The following OGA variants were observed in gnomAD, a reference collection of about 807,000 sequenced individuals.
OGA encodes the protein O-GlcNAcase.
A neutral mutation model predicts 102.0 loss-of-function variants in OGA; 21 were observed. The ratio of observed to expected loss-of-function variants is 0.21; its 90% CI spans 0.15 to 0.30. OGA has a LOEUF of 0.30. Ranked by LOEUF, OGA falls within the 10% of genes least tolerant of loss-of-function variation. The probability of loss-of-function intolerance (pLI) is 1.00; values close to 1 mark genes in which losing one functional copy is unlikely to be tolerated. For missense variants in OGA, 765 were observed against 1,107.8 expected (o/e 0.69, Z 4.39); for synonymous variants, 408 against 378.2 (o/e 1.08, Z -0.91).
In OGA at chr10:101,818,320, G is replaced by A. The variant is rs1031811402; in HGVS notation, c.-298C>T. ...TCGTTCCCTGGAAGAAGACGGCCAA[G>A]GGTCCTGTCCTCGTTCTCTGCCTCT... On this transcript the variant is annotated 5_prime_UTR_variant, in exon 1 of 16. Transcript: ENST00000361464. The A allele has an allele frequency of 2.5e-6, 3 of 1,195,718 alleles. No individual in the cohort carries two copies. Among genetic ancestry groups the A allele is most frequent in the Non-Finnish European group, 3.1e-6 (3 of 960,000 alleles). The allele number at this position is 1,195,718 out of a possible 1,614,324, so 74.1% of individuals were successfully genotyped here.
rs773470882 is a variant in OGA, at chr10:101,799,054, T to A, written c.1597A>T (p.Thr533Ser). 1.9e-6 allele frequency: 3 copies of A among 1,614,234 alleles called. No homozygotes were observed. The highest frequency in any genetic ancestry group is 3.3e-5 in the Admixed American group (2 of 60,024). The change falls in exon 9 of 16, where the codon ACA becomes TCA. Residue 533 changes from threonine (T) to serine (S), a missense_variant. This residue lies in a region of OGA where 281 missense variants were observed against 345.8 expected (regional missense o/e 0.81). Transcript: ENST00000361464. ...DIAPMQTDEQ[T>S]NKEQFVPGPN... The stretch of plus-strand genomic sequence containing the variant: ...CCTGGCACAAACTGCTCCTTGTTTG[T>A]CTGTTCATCAGTTTGCATGGGGGCA...
At chr10:101,804,059 T>C in intron 6 of OGA, 40 bp from the exon 7 acceptor site, 1 of 1,566,364 alleles carries the variant, frequency 6.4e-7, no homozygotes, top group Non-Finnish European at 8.7e-7. Flanking sequence ...GAATCATGGT[T>C]CTTGGCTAGA....
At chr10:101,793,655 G>A (rs1182778105) in intron 11 of OGA, 2 of 323,678 alleles carry the variant, frequency 6.2e-6, no homozygotes, top group East Asian at 6.3e-5. Context: ...AATGCTGTGC[G>A]ACCTGCAAAG....
chr10:101,800,071 C>T (rs1257439827), intron 8 of OGA, among the ~76,000 whole-genome samples, 171 bp downstream of exon 8: 1 of 152,136 alleles, frequency 6.6e-6, no homozygotes, highest in Admixed American at 6.6e-5. Context: ...CAAGGTTTCA[C>T]TATGTTGGCC....
chr10:101,798,794 A>G, intron 9 of OGA, 48 bp downstream of exon 9: 1 of 1,567,698 alleles, frequency 6.4e-7, no homozygotes, highest in South Asian at 1.2e-5. Flanking sequence ...CATTACCAGT[A>G]TGGGGAACCA....
At chr10:101,811,406 G>GAAA (rs67433227) in intron 3 of OGA, among the ~76,000 whole-genome samples, 1,117 of 45,688 alleles carry the variant, frequency 0.024, 54 homozygotes, top group Middle Eastern at 0.065. Context: ...GAAAAAAAAT[G>GAAA]AAAAAAAAAA....
chr10:101,793,513 A>G (rs1023414195), intron 11 of OGA, among the ~76,000 whole-genome samples: 3 of 152,280 alleles, frequency 2.0e-5, no homozygotes, highest in Non-Finnish European at 4.4e-5. Flanking sequence ...CAAGCACATT[A>G]TATTTATAAA....
intron 9 of OGA, 81 bp downstream of exon 9, chr10:101,798,761 T>C (rs568012518): frequency 1.4e-6 from 2 of 1,465,706 alleles, no homozygotes; most frequent in East Asian, 2.3e-5. Context: ...AGTTACAGTG[T>C]ACTCATTTAA....
rs368498887 is a variant in OGA at position 101,812,431 on chromosome 10, A to G, written c.349+599T>C. Among the ~76,000 whole-genome samples the G allele has an allele frequency of 4.1e-4, 63 of 152,108 alleles. 1 individual carries two copies. In the South Asian group the frequency reaches 0.013, roughly 32 times the overall value. On this transcript the variant is annotated intron_variant, in intron 3 of 15. Transcript: ENST00000361464. ...TCAAAAAACAAAACAAAACAAAACA[A>G]AACCCAAAGACAGCCTATTAATGGC...
Position 101,799,118 on chromosome 10 carries a change from G to T in OGA, c.1533C>A (p.Ser511=). The T allele has an allele frequency of 6.2e-7, 1 of 1,614,158 alleles. No homozygotes were observed. The highest frequency in any genetic ancestry group is 8.5e-7 in the Non-Finnish European group (1 of 1,180,026). ...TDKESIAESK[S]PEMSMQEDCI... Reference sequence around the variant, plus strand: ...AATCTTCTTGCATGGACATCTCTGGGGATTTTGATTCAGCTATGCTCTCTT... The same window carrying T: ...AATCTTCTTGCATGGACATCTCTGGTGATTTTGATTCAGCTATGCTCTCTT... Residue 511 remains serine (S), a synonymous_variant, in exon 9 of 16, where the codon TCC becomes TCA. Transcript: ENST00000361464.
In OGA at chr10:101,792,775, A is replaced by G. The variant is rs1167380830; in HGVS notation, c.2175+64T>C. ...AAGGATTCCTTTAACCAGTGAGTTA[A>G]AAGGTTAAGTTTTAAGTGTGCACCA... On this transcript the variant is annotated intron_variant, in intron 12 of 15. Transcript: ENST00000361464. 3 of 1,179,500 alleles carry G rather than the reference A, an allele frequency of 2.5e-6. No homozygotes were observed. In the African/African-American group the frequency reaches 4.6e-5, roughly 18 times the overall value. The allele number at this position is 1,179,500 out of a possible 1,614,324, so 73.1% of individuals were successfully genotyped here. A position where few individuals can be genotyped will look rare whatever the true frequency, so the allele number is the denominator to read the frequency against.
At chr10:101,800,428 AAAAT>A (rs768631230) in intron 7 of OGA, 28 bp from the exon 8 acceptor site, 1 of 1,587,398 alleles carries the variant, frequency 6.3e-7, no homozygotes, top group East Asian at 2.2e-5. Context: ...AAAAAGCACA[AAAAT>A]AGTTTTGATT....
At position 101,818,404 on chromosome 10, in the gene OGA, C is replaced by T. The variant is rs943210457; in HGVS notation, c.-382G>A. 2 of 1,024,212 alleles carry T rather than the reference C, an allele frequency of 2.0e-6. No homozygotes were observed. The highest frequency in any genetic ancestry group is 2.3e-6 in the Non-Finnish European group (2 of 854,430). 63.4% of individuals were successfully genotyped at this position (1,024,212 alleles called of 1,614,324 possible). On this transcript the variant is annotated 5_prime_UTR_variant, in exon 1 of 16. Coordinates refer to ENST00000361464, the MANE Select transcript of OGA (RefSeq NM_012215.5). ...TTTCCCCTCCAAGCCCCGAGCTCTC[C>T]CTCTGCTGCTGCCTCCACCGCCCGC...
At chr10:101,810,855 G>A (rs535903319) in intron 3 of OGA, among the ~76,000 whole-genome samples, 4 of 152,120 alleles carry the variant, frequency 2.6e-5, no homozygotes, top group East Asian at 1.9e-4. Flanking sequence ...AGGCATACCC[G>A]GCTAATTTTT....
At chr10:101,804,393 C>T (rs2065439049) in intron 6 of OGA, among the ~76,000 whole-genome samples, 2 of 151,594 alleles carry the variant, frequency 1.3e-5, no homozygotes, top group Admixed American at 1.3e-4. Flanking sequence ...CTGCTTCAGC[C>T]TCCTGAGTAG....
In OGA at chr10:101,803,743, A is replaced by G. The variant is rs763036573; in HGVS notation, c.1028T>C (p.Val343Ala). Residue 343 changes from valine (V) to alanine (A), a missense_variant, in exon 7 of 16, where the codon GTA becomes GCA. Physicochemically the swap from Val to Ala is moderately conservative, Grantham distance 64. Transcript: ENST00000361464. ...AAGTACAGGCTACTTACTCATCACT[A>G]CATCTTTTCTCACTCCATTCATGTT... ...KSNMNGVRKD[V>A]VMTDSEDSTV... The G allele has an allele frequency of 1.2e-6, 2 of 1,613,864 alleles. No homozygotes were observed. The highest frequency in any genetic ancestry group is 1.7e-6 in the Non-Finnish European group (2 of 1,179,726).
At position 101,785,379 on chromosome 10, in the gene OGA, G is replaced by T. The variant is rs1208991271; in HGVS notation, c.*1072C>A. On this transcript the variant is annotated 3_prime_UTR_variant, in exon 16 of 16. Coordinates refer to ENST00000361464, the MANE Select transcript of OGA (RefSeq NM_012215.5). ...AGACTCTGATTTAATAAAATCAGTA[G>T]TAACAGGTCTTGAGATTAAACAACT... The T allele has an allele frequency of 6.6e-6, 1 of 152,584 alleles. No individual in the cohort carries two copies. The highest frequency in any genetic ancestry group is 1.5e-5 in the Non-Finnish European group (1 of 68,046). 9.5% of individuals were successfully genotyped at this position (152,584 alleles called of 1,614,324 possible).
intron 4 of OGA, 29 bp downstream of exon 4, chr10:101,810,155 G>C (rs1341657418): frequency 1.3e-6 from 2 of 1,579,168 alleles, no homozygotes; most frequent in Non-Finnish European, 1.7e-6. Flanking sequence ...TACATAGTCA[G>C]GAAAAATGAA....
intron 14 of OGA, among the ~76,000 whole-genome samples, chr10:101,790,316 C>T (rs1440185966): frequency 7.0e-6 from 1 of 143,744 alleles, no homozygotes; most frequent in Non-Finnish European, 1.5e-5. Flanking sequence ...TCTGCTGCCC[C>T]GGCTGGAGTG....
Sources: gnomAD v4.1 joint callset for allele counts (sites outside exome capture counted in the v4.1 genomes callset) on GRCh38, gnomAD v4.1.1 for gene constraint, gnomAD v4.1.1 regional missense constraint, MANE v1.5 for transcripts, NCBI Gene and HGNC (gene_info 2026-07-23, HGNC 2026-07-21) for gene names.